KCNQ3: variants seen among roughly 807,000 people sequenced by gnomAD.
The protein encoded by KCNQ3 is potassium voltage-gated channel subfamily Q member 3.
A neutral mutation model predicts 92.5 loss-of-function variants in KCNQ3; 30 were observed. The ratio of observed to expected loss-of-function variants is 0.32; its 90% CI spans 0.24 to 0.44. The LOEUF is 0.44. Ranked by LOEUF, KCNQ3 falls within the 20% of genes least tolerant of loss-of-function variation. The pLI, the probability that KCNQ3 is intolerant of heterozygous loss-of-function variation, is 1.00. For missense variants in KCNQ3, 913 were observed against 1,140.3 expected (o/e 0.80, Z 2.87); for synonymous variants, 450 against 468.8 (o/e 0.96, Z 0.52).
Position 132,280,038 on chromosome 8 carries a change from C to T in KCNQ3, c.387-93857G>A, listed in dbSNP as rs140086079. 3.3e-3 allele frequency among the ~76,000 whole-genome samples: 502 copies of T among 152,268 alleles called. 5 individuals are homozygous for T. The highest frequency in any genetic ancestry group is 5.0e-3 in the Non-Finnish European group (340 of 68,026). ...ACTCAACTTATGACAGACCCTCTTCCAAGTGCTGGTGATAACAGCAATGAA... is the reference window on the plus strand; with the variant it reads ...ACTCAACTTATGACAGACCCTCTTCTAAGTGCTGGTGATAACAGCAATGAA... On this transcript the variant is annotated intron_variant, in intron 1 of 14. Transcript: ENST00000388996.
At chr8:132,471,875 AAGGGACT>A (rs1481006261) in intron 1 of KCNQ3, among the ~76,000 whole-genome samples, 1 of 152,214 alleles carries the variant, frequency 6.6e-6, no homozygotes, top group Non-Finnish European at 1.5e-5. Context: ...ATTCATCGAC[AAGGGACT>A]AGTATCTAGA....
intron 4 of KCNQ3, among the ~76,000 whole-genome samples, chr8:132,179,680 T>C (rs145313086): frequency 1.1e-3 from 168 of 152,322 alleles, no homozygotes; most frequent in African/African-American, 3.4e-3. Flanking sequence ...ATTATTATTC[T>C]AATTTTATAA....
chr8:132,249,632 C>T (rs1438432652), intron 1 of KCNQ3, among the ~76,000 whole-genome samples: 2 of 152,240 alleles, frequency 1.3e-5, no homozygotes, highest in African/African-American at 2.4e-5. Context: ...GGCTGAGCTG[C>T]CCGCCAGTCC....
At position 132,132,244 on chromosome 8, in the gene KCNQ3, C is replaced by G; in HGVS notation, c.1820G>C (p.Arg607Thr). Reference protein sequence around the residue: ...QSPRNEPYVARPSTSEIEDQS... With the variant: ...QSPRNEPYVATPSTSEIEDQS... ...GTCTTCGATTTCTGATGTGGATGGT[C>G]TGGCTACATATGGTTCATTCCTAAG... Residue 607 changes from arginine (R) to threonine (T), a missense_variant, in exon 14 of 15, where the codon AGA becomes ACA. Coordinates refer to ENST00000388996, the MANE Select transcript of KCNQ3 (RefSeq NM_004519.4). The G allele has an allele frequency of 5.0e-6, 8 of 1,613,414 alleles. No individual in the cohort carries two copies. Among genetic ancestry groups the G allele is most frequent in the Non-Finnish European group, 6.8e-6 (8 of 1,179,330 alleles).
chr8:132,357,078 C>A (rs1219841533), intron 1 of KCNQ3, among the ~76,000 whole-genome samples: 1 of 152,152 alleles, frequency 6.6e-6, no homozygotes, highest in South Asian at 2.1e-4. Flanking sequence ...GTCACTTGCC[C>A]AGGGAGGACC....
At chr8:132,446,535 T>C (rs868515738) in intron 1 of KCNQ3, among the ~76,000 whole-genome samples, 3 of 152,264 alleles carry the variant, frequency 2.0e-5, no homozygotes, top group South Asian at 2.1e-4. Context: ...GGAAGACCTC[T>C]TCCAGGTCCA....
intron 1 of KCNQ3, among the ~76,000 whole-genome samples, chr8:132,316,601 G>T (rs1243861388): frequency 6.6e-6 from 1 of 152,220 alleles, no homozygotes; most frequent in Non-Finnish European, 1.5e-5. Flanking sequence ...CTGCACATAT[G>T]CATGGGATCA....
At chr8:132,216,125 G>T (rs911839431) in intron 1 of KCNQ3, among the ~76,000 whole-genome samples, 14 of 152,236 alleles carry the variant, frequency 9.2e-5, no homozygotes, top group African/African-American at 2.6e-4. Flanking sequence ...CCACAGAATA[G>T]GGGCCTAGAG....
intron 1 of KCNQ3, among the ~76,000 whole-genome samples, chr8:132,205,207 C>A (rs1813619387): frequency 6.6e-6 from 1 of 152,172 alleles, no homozygotes; most frequent in Non-Finnish European, 1.5e-5. Context: ...AAACCTTGAA[C>A]AATCAGAAGA....
intron 10 of KCNQ3, chr8:132,140,815 C>A: frequency 2.5e-6 from 1 of 399,796 alleles, no homozygotes; most frequent in South Asian, 2.7e-5. Flanking sequence ...ACCGCCCCAT[C>A]CTTCAAGTTG....
Position 132,216,195 on chromosome 8 carries a change from C to T in KCNQ3, c.387-30014G>A, listed in dbSNP as rs899694015. The stretch of plus-strand genomic sequence containing the variant: ...GGCCAAACCACATGGGAATGTAAAA[C>T]AACAATGATGACAACAGCAACAGCA... On this transcript the variant is annotated intron_variant, in intron 1 of 14. Coordinates refer to ENST00000388996, the MANE Select transcript of KCNQ3 (RefSeq NM_004519.4). 3.9e-5 allele frequency among the ~76,000 whole-genome samples: 6 copies of T among 152,216 alleles called. No individual in the cohort carries two copies. In the East Asian group the frequency reaches 1.2e-3, roughly 29 times the overall value.
chr8:132,233,569 T>G (rs1257837865), intron 1 of KCNQ3, among the ~76,000 whole-genome samples: 1 of 152,184 alleles, frequency 6.6e-6, no homozygotes, highest in African/African-American at 2.4e-5. Context: ...CAGCCTACTC[T>G]AAAAGCATCA....
intron 1 of KCNQ3, among the ~76,000 whole-genome samples, chr8:132,457,372 C>T (rs996914649): frequency 6.6e-6 from 1 of 152,184 alleles, no homozygotes; most frequent in Non-Finnish European, 1.5e-5. Context: ...AGTAACTCCT[C>T]GGTTAAGAAA....
intron 1 of KCNQ3, among the ~76,000 whole-genome samples, chr8:132,187,760 T>G (rs563910692): frequency 1.2e-3 from 187 of 149,848 alleles, no homozygotes; most frequent in Non-Finnish European, 2.0e-3. Flanking sequence ...GTGGTAGTGA[T>G]GATGGTGGTA....
intron 1 of KCNQ3, among the ~76,000 whole-genome samples, chr8:132,265,091 TAAAAA>T (rs10543155): frequency 0.53 from 79,582 of 151,424 alleles, 22,599 homozygotes; most frequent in East Asian, 0.77. Context: ...AAAGGACTGC[TAAAAA>T]GGTAATAAAG....
intron 1 of KCNQ3, among the ~76,000 whole-genome samples, chr8:132,270,332 T>C (rs527572406): frequency 1.3e-5 from 2 of 152,330 alleles, no homozygotes; most frequent in Admixed American, 1.3e-4. Flanking sequence ...AGAATCTCCA[T>C]ACGCAGGAAG....
At chr8:132,186,276 A>T in intron 1 of KCNQ3, 95 bp from the exon 2 acceptor site, 1 of 843,858 alleles carries the variant, frequency 1.2e-6, no homozygotes, top group South Asian at 1.4e-5. Context: ...ATGAAGCTGC[A>T]ACTTCTGCTG....
intron 1 of KCNQ3, among the ~76,000 whole-genome samples, chr8:132,402,862 A>G (rs999932836): frequency 6.6e-6 from 1 of 151,732 alleles, no homozygotes; most frequent in African/African-American, 2.4e-5. Context: ...CTAAAATACA[A>G]AAAATTAGCC....
At chr8:132,211,981 A>G (rs1813875924) in intron 1 of KCNQ3, among the ~76,000 whole-genome samples, 1 of 151,688 alleles carries the variant, frequency 6.6e-6, no homozygotes, top group Non-Finnish European at 1.5e-5. Flanking sequence ...AACTTTTAAC[A>G]AGGTTATGTA....
Sources: gnomAD v4.1 joint callset for allele counts (sites outside exome capture counted in the v4.1 genomes callset) on GRCh38, gnomAD v4.1.1 for gene constraint, MANE v1.5 for transcripts, NCBI Gene and HGNC (gene_info 2026-07-23, HGNC 2026-07-21) for gene names.